COG3: variants seen among roughly 807,000 people sequenced by gnomAD.
COG3 encodes component of oligomeric golgi complex 3.
In COG3, 32 loss-of-function variants were observed where a neutral mutation model predicts 114.1. That is an observed-to-expected ratio of 0.28 (90% CI 0.21 to 0.38). The LOEUF (loss-of-function observed/expected upper bound fraction) is 0.38. COG3 is among the 10% of genes least tolerant of loss of function. COG3 has a pLI of 1.00. For missense variants in COG3, 813 were observed against 973.2 expected (o/e 0.84, Z 2.19); for synonymous variants, 352 against 365.7 (o/e 0.96, Z 0.43).
chr13:45,476,490 AG>A, intron 2 of COG3, 143 bp downstream of exon 2: 1 of 834,090 alleles, frequency 1.2e-6, no homozygotes, highest in East Asian at 2.6e-5. Flanking sequence ...ATTTTGCATT[AG>A]TTGTGGCTGT....
At chr13:45,473,800 C>T (rs1478241138) in intron 1 of COG3, among the ~76,000 whole-genome samples, 1 of 149,434 alleles carries the variant, frequency 6.7e-6, no homozygotes, top group Non-Finnish European at 1.5e-5. Flanking sequence ...GGTGTAGATG[C>T]GGCTTATCTC....
At chr13:45,477,631 C>CT (rs11408688) in intron 2 of COG3, among the ~76,000 whole-genome samples, 28,492 of 142,918 alleles carry the variant, frequency 0.2, 4,620 homozygotes, top group African/African-American at 0.45. Context: ...TCCATATTCT[C>CT]TTTTTTTTTT....
At chr13:45,489,897 C>T (rs1163108703) in intron 8 of COG3, among the ~76,000 whole-genome samples, 6 of 149,938 alleles carry the variant, frequency 4.0e-5, no homozygotes, top group Middle Eastern at 3.4e-3. Flanking sequence ...TTGAAAAATA[C>T]AGTGTCATTG....
intron 8 of COG3, among the ~76,000 whole-genome samples, chr13:45,489,357 T>C (rs1886884655): frequency 6.6e-6 from 1 of 150,836 alleles, no homozygotes; most frequent in East Asian, 2.0e-4. Context: ...ATGTGGAATA[T>C]GTATACAACC....
chr13:45,504,285 G>A (rs3014961), intron 14 of COG3, among the ~76,000 whole-genome samples: 1 of 152,190 alleles, frequency 6.6e-6, no homozygotes, highest in South Asian at 2.1e-4. Flanking sequence ...ATCTGACAAA[G>A]TCATTTTATC....
chr13:45,493,531 ATG>A lies in COG3; in HGVS notation c.1327+46_1327+47del, dbSNP rs1264718308. On this transcript the variant is annotated intron_variant, in intron 12 of 22. Transcript: ENST00000349995. Reference sequence around the variant, plus strand: ...CATTTTAAGTTATATCACTGGCTCAATGAATTTGAAAAAAAAATAAGTGCTTC... The same window carrying A: ...CATTTTAAGTTATATCACTGGCTCAAAATTTGAAAAAAAAATAAGTGCTTC... 16 of 1,538,308 alleles carry A rather than the reference ATG, an allele frequency of 1.0e-5. No homozygotes were observed. The Admixed American group carries it at 2.1e-4, about 20-fold the overall frequency.
intron 2 of COG3, among the ~76,000 whole-genome samples, 199 bp downstream of exon 2, chr13:45,476,546 T>C (rs533726050): frequency 6.6e-6 from 1 of 152,292 alleles, no homozygotes; most frequent in East Asian, 1.9e-4. Flanking sequence ...AGTTATGATA[T>C]AGGTAAAAAA....
chr13:45,466,652 A>T (rs964467615), intron 1 of COG3: 2 of 152,190 alleles, frequency 1.3e-5, no homozygotes, highest in Admixed American at 6.5e-5. Flanking sequence ...TTTATAATTG[A>T]TTTGGCTCCT....
In COG3 at chr13:45,477,222, C is replaced by G. The variant is rs751547865; in HGVS notation, c.321+875C>G. 6.7e-4 allele frequency among the ~76,000 whole-genome samples: 102 copies of G among 152,154 alleles called. 1 individual carries two copies. The highest frequency in any genetic ancestry group is 2.1e-4 in the Non-Finnish European group (14 of 68,032). ...ATGATAGCCAAGGTACATGGCAAGC[C>G]TGTATACCCTTGACATTGAATCTTA... On this transcript the variant is annotated intron_variant, in intron 2 of 22. Transcript: ENST00000349995.
At chr13:45,525,180 A>C (rs1872553446) in intron 20 of COG3, 129 bp downstream of exon 20, 1 of 618,486 alleles carries the variant, frequency 1.6e-6, no homozygotes, top group East Asian at 2.9e-5. Flanking sequence ...GAGTTAATGC[A>C]GGATTCAATT....
At chr13:45,490,783 T>G (rs1886971134) in intron 8 of COG3, 132 bp from the exon 9 acceptor site, 2 of 451,248 alleles carry the variant, frequency 4.4e-6, no homozygotes, top group Non-Finnish European at 7.7e-6. Flanking sequence ...TTGGTATAAG[T>G]GATTTTTATG....
chr13:45,480,070 T>G, intron 3 of COG3, 55 bp from the exon 4 acceptor site: 1 of 1,444,464 alleles, frequency 6.9e-7, no homozygotes, highest in Admixed American at 2.2e-5. Flanking sequence ...GTTTTTTTAC[T>G]GTGCTTATTG....
chr13:45,503,218 A>G (rs752669168), intron 13 of COG3, 26 bp from the exon 14 acceptor site: 2 of 1,123,216 alleles, frequency 1.8e-6, no homozygotes, highest in Admixed American at 3.4e-5. Context: ...GAAAACGGTA[A>G]CATTCCTTCT....
chr13:45,520,193 G>A (rs1871968936), intron 19 of COG3, among the ~76,000 whole-genome samples: 1 of 151,848 alleles, frequency 6.6e-6, no homozygotes, highest in African/African-American at 2.4e-5. Flanking sequence ...GGAGGCTGAG[G>A]TGGGAAGATT....
At chr13:45,505,459 G>A (rs35580175) in intron 14 of COG3, among the ~76,000 whole-genome samples, 23,232 of 151,010 alleles carry the variant, frequency 0.15, 2,958 homozygotes, top group African/African-American at 0.35. Flanking sequence ...ACACCAGCAC[G>A]CCCAGATAAT....
rs369390960 is a variant in COG3, at chr13:45,528,961, G to A, written c.2231-830G>A. On this transcript the variant is annotated intron_variant, in intron 20 of 22. Transcript: ENST00000349995. ...TGCATTTTCAGTTTTGCTAGATAGCGCCTAATATTTTTCCAAAGAGATGAA... is the reference window on the plus strand; with the variant it reads ...TGCATTTTCAGTTTTGCTAGATAGCACCTAATATTTTTCCAAAGAGATGAA... Among the ~76,000 whole-genome samples the A allele has an allele frequency of 4.8e-4, 73 of 152,104 alleles. 1 individual carries two copies. The highest frequency in any genetic ancestry group is 7.8e-4 in the Non-Finnish European group (53 of 68,020).
intron 14 of COG3, among the ~76,000 whole-genome samples, chr13:45,508,403 T>TATATATACAC (rs1352468701): frequency 7.5e-6 from 1 of 133,050 alleles, no homozygotes; most frequent in Admixed American, 7.2e-5. Flanking sequence ...TATATATATA[T>TATATATACAC]ACACACACAC....
chr13:45,489,902 T>C (rs1477764429), intron 8 of COG3, among the ~76,000 whole-genome samples: 1 of 151,944 alleles, frequency 6.6e-6, no homozygotes, highest in Non-Finnish European at 1.5e-5. Flanking sequence ...AAATACAGTG[T>C]CATTGATTCA....
At chr13:45,469,146 A>G (rs980542971) in intron 1 of COG3, among the ~76,000 whole-genome samples, 2 of 152,218 alleles carry the variant, frequency 1.3e-5, no homozygotes, top group African/African-American at 4.8e-5. Flanking sequence ...TCTAGTTTTT[A>G]AAGTTCTTAT....
Sources: allele counts gnomAD v4.1 joint callset (sites outside exome capture counted in the v4.1 genomes callset), GRCh38; gene constraint gnomAD v4.1.1; transcripts MANE v1.5; gene names NCBI Gene and HGNC (gene_info 2026-07-23, HGNC 2026-07-21).